GRID2IP: variants seen among roughly 807,000 people sequenced by gnomAD.
GRID2IP encodes delphilin.
In GRID2IP, 78 loss-of-function variants were observed where a neutral mutation model predicts 114.3. The observed-to-expected ratio is 0.68, with a 90% CI of 0.57 to 0.82. GRID2IP has a LOEUF of 0.82. GRID2IP is among the 40% of genes least tolerant of loss of function. GRID2IP has a pLI of 0.00. For missense variants in GRID2IP, 1,727 were observed against 1,678.5 expected, an observed-to-expected ratio of 1.03 and a Z score of -0.51; for synonymous variants, 809 against 724.0, an observed-to-expected ratio of 1.12 and a Z score of -1.89.
Position 6,503,476 on chromosome 7 carries a change from T to A in GRID2IP, c.2907+15A>T. 6.6e-6 allele frequency: 10 copies of A among 1,505,722 alleles called. No homozygotes were observed. Among genetic ancestry groups the A allele is most frequent in the Non-Finnish European group, 7.9e-6 (9 of 1,134,534 alleles). The allele number at this position is 1,505,722 out of a possible 1,614,324, so 93.3% of individuals were successfully genotyped here. A position where few individuals can be genotyped will look rare whatever the true frequency, so the allele number is the denominator to read the frequency against. ...AGCCGGCCGAGGCCTCGGGGCGGGG[T>A]TGTGGTCGCGGCACCTGCAGGACGA... On this transcript the variant is annotated intron_variant, in intron 16 of 21. Transcript: ENST00000457091.
At chr7:6,531,264 T>G (rs1779618165) in intron 2 of GRID2IP, 3 of 408,992 alleles carry the variant, frequency 7.3e-6, no homozygotes, top group Admixed American at 8.9e-5. Context: ...CCCCTTTTGG[T>G]GGCCCCGCCC....
At position 6,531,459 on chromosome 7, in the gene GRID2IP, TC is replaced by T. The variant is rs201415988; in HGVS notation, c.585-4691del. Among the ~76,000 whole-genome samples, 76 of 152,184 alleles carry T rather than the reference TC, an allele frequency of 5.0e-4. No homozygotes were observed. The East Asian group carries it at 0.014, about 27-fold the overall frequency. ...CCCCGGACCCCCACACAGTGGCGAG[TC>T]CCCGCAGTTCAGAGGAAGCCCCGAC... On this transcript the variant is annotated intron_variant, in intron 2 of 21. Coordinates refer to ENST00000457091, the MANE Select transcript of GRID2IP (RefSeq NM_001145118.2).
rs1779357057 is a variant in GRID2IP, at chr7:6,518,684, C to T, written c.1268+1894G>A. Among the ~76,000 whole-genome samples the T allele has an allele frequency of 2.6e-5, 4 of 151,706 alleles. No individual in the cohort carries two copies. In the South Asian group the frequency reaches 8.3e-4, roughly 32 times the overall value. On this transcript the variant is annotated intron_variant, in intron 7 of 21. Coordinates refer to ENST00000457091, the MANE Select transcript of GRID2IP (RefSeq NM_001145118.2). ...CCAGGAGGGGGAGGTTGCAGTGAGC[C>T]GAGAGCACGCCACTGTACTCCAGCC...
intron 15 of GRID2IP, 64 bp from the exon 16 acceptor site, chr7:6,503,751 G>T: frequency 5.5e-6 from 7 of 1,265,846 alleles, no homozygotes; most frequent in Non-Finnish European, 6.3e-6. Context: ...GACCCAAGAC[G>T]GAGAGGGCAG....
chr7:6,522,395 C>T (rs1406350672), intron 4 of GRID2IP, among the ~76,000 whole-genome samples: 1 of 152,138 alleles, frequency 6.6e-6, no homozygotes, highest in Non-Finnish European at 1.5e-5. Context: ...CAGGCAGCAT[C>T]AGTACTTCTT....
In GRID2IP at chr7:6,526,026, TC is replaced by T. The variant is rs1779504233; in HGVS notation, c.919+197del. ...AGGCAGAAGGCTCTGGCCTCAAGCA[TC>T]TTAGGTAGGAATGGGATTCAGATCT... On this transcript the variant is annotated intron_variant, in intron 4 of 21. Coordinates refer to ENST00000457091, the MANE Select transcript of GRID2IP (RefSeq NM_001145118.2). This position sits in a 1 kb window ranked among gnomAD's most constrained non-coding sequence, Gnocchi z 7.6. 6.6e-6 allele frequency among the ~76,000 whole-genome samples: 1 copy of T among 152,078 alleles called. No individual in the cohort carries two copies. Among genetic ancestry groups the T allele is most frequent in the Non-Finnish European group, 1.5e-5 (1 of 68,006 alleles).
rs907700952 is a variant in GRID2IP at position 6,508,061 on chromosome 7, C to A, written c.2468G>T (p.Ser823Ile). ...MLSRGLGHRR[S>I]ETSHMSVKRL... ...CTTGACGCTCATGTGGCTGGTCTCA[C>A]TGCGCCGGTGGCCCAGGCCCCGGGA... Residue 823 changes from serine to isoleucine, a missense_variant, in exon 13 of 22, where the codon AGT becomes ATT. By Grantham distance (142) the Ser-to-Ile change is moderately radical. Coordinates refer to ENST00000457091, the MANE Select transcript of GRID2IP (RefSeq NM_001145118.2). The surrounding 1 kb of genome is among the most constrained non-coding windows in gnomAD (Gnocchi z 5.6). The A allele has an allele frequency of 6.0e-6, 9 of 1,511,702 alleles. No homozygotes were observed. Among genetic ancestry groups the A allele is most frequent in the African/African-American group, 1.4e-5 (1 of 71,052 alleles). 93.6% of individuals were successfully genotyped at this position (1,511,702 alleles called of 1,614,324 possible). A position where few individuals can be genotyped will look rare whatever the true frequency, so the allele number is the denominator to read the frequency against.
chr7:6,507,926 G>A lies in GRID2IP; in HGVS notation c.2544+59C>T. 6.5e-7 allele frequency: 1 copy of A among 1,536,926 alleles called. No homozygotes were observed. The highest frequency in any genetic ancestry group is 8.8e-7 in the Non-Finnish European group (1 of 1,141,076). On this transcript the variant is annotated intron_variant, in intron 13 of 21. Transcript: ENST00000457091. This position sits in a 1 kb window ranked among gnomAD's most constrained non-coding sequence, Gnocchi z 5.3. ...CCTGGCCGATGGGTTTTCCTTCAGT[G>A]CTGCTGCCCAAGCCATCCTCCCCCA...
At position 6,532,456 on chromosome 7, in the gene GRID2IP, T is replaced by C. The variant is rs1401808867; in HGVS notation, c.585-5687A>G. On this transcript the variant is annotated intron_variant, in intron 2 of 21. Transcript: ENST00000457091. This position sits in a 1 kb window ranked among gnomAD's most constrained non-coding sequence, Gnocchi z 4.4. ...TGGTCCGATCATCGGTCTCTGGTAC[T>C]GTCCACGCACTGCTCCCCAATACAC... is the stretch of plus-strand genomic sequence containing the variant. Among the ~76,000 whole-genome samples, 4 of 152,198 alleles carry C rather than the reference T, an allele frequency of 2.6e-5. No individual in the cohort carries two copies. Among genetic ancestry groups the C allele is most frequent in the Non-Finnish European group, 4.4e-5 (3 of 68,024 alleles).
rs989221871 is a variant in GRID2IP at position 6,497,121 on chromosome 7, C to T, written c.*653G>A. Among the ~76,000 whole-genome samples the T allele has an allele frequency of 3.9e-5, 6 of 152,056 alleles. No individual in the cohort carries two copies. The highest frequency in any genetic ancestry group is 1.2e-4 in the African/African-American group (5 of 41,378). On this transcript the variant is annotated 3_prime_UTR_variant, in exon 22 of 22. Transcript: ENST00000457091. ...TGACCACACCTATTCCACTCCCAGG[C>T]TCCCCACTTCCAATTGGGCCACCTC...
rs936665700 is a variant in GRID2IP, at chr7:6,507,293, T to C, written c.2544+692A>G. ...TCTCCTCTGAGCTGGTCAAGCCCCA[T>C]TGGGGGTTCCATCTGGGAATGTCTC... On this transcript the variant is annotated intron_variant, in intron 13 of 21. Coordinates refer to ENST00000457091, the MANE Select transcript of GRID2IP (RefSeq NM_001145118.2). This position sits in a 1 kb window ranked among gnomAD's most constrained non-coding sequence, Gnocchi z 5.3. Among the ~76,000 whole-genome samples, 1 of 152,012 alleles carries C rather than the reference T, an allele frequency of 6.6e-6. No individual in the cohort carries two copies. Among genetic ancestry groups the C allele is most frequent in the African/African-American group, 2.4e-5 (1 of 41,372 alleles).
rs1779548654 is a variant in GRID2IP, at chr7:6,528,010, G to A, written c.585-1241C>T. Among the ~76,000 whole-genome samples the A allele has an allele frequency of 1.3e-5, 2 of 152,074 alleles. No homozygotes were observed. The highest frequency in any genetic ancestry group is 2.1e-4 in the South Asian group (1 of 4,814). On this transcript the variant is annotated intron_variant, in intron 2 of 21. Transcript: ENST00000457091. The surrounding 1 kb of genome is among the most constrained non-coding windows in gnomAD (Gnocchi z 6.0). ...TGACCTCAGGTGATCTGCCCGCCTC[G>A]GCCTCCCAAAGTCCTGGGATTAGAC... is the stretch of plus-strand genomic sequence containing the variant.
intron 8 of GRID2IP, among the ~76,000 whole-genome samples, chr7:6,513,522 A>T (rs1779221646): frequency 6.6e-6 from 1 of 151,986 alleles, no homozygotes; most frequent in Non-Finnish European, 1.5e-5. Context: ...GTCCAGCCTT[A>T]CACGAGTTCC....
chr7:6,546,531 T>C (rs902869116), intron 1 of GRID2IP, among the ~76,000 whole-genome samples: 3 of 148,480 alleles, frequency 2.0e-5, no homozygotes, highest in African/African-American at 7.4e-5. Context: ...ATCACGCCAT[T>C]GCACTCCAGC....
rs1458105719 is a variant in GRID2IP, at chr7:6,520,716, G to A, written c.1130C>T (p.Ser377Phe). The A allele has an allele frequency of 6.4e-7, 1 of 1,551,692 alleles. No individual in the cohort carries two copies. The highest frequency in any genetic ancestry group is 2.4e-5 in the East Asian group (1 of 40,914). Reference sequence around the variant, plus strand: ...CAGGATCTCCGCCACCCACTGCAGGGAGGTGAGCGCCGACGACGGGTTGGG... The same window carrying A: ...CAGGATCTCCGCCACCCACTGCAGGAAGGTGAGCGCCGACGACGGGTTGGG... ...DSPNPSSALT[S>F]LQWVAEILPS... The change falls in exon 7 of 22, where the codon TCC becomes TTC. Residue 377 changes from serine (S) to phenylalanine (F), a missense_variant. By Grantham distance (155) the Ser-to-Phe change is radical. Transcript: ENST00000457091. This position sits in a 1 kb window ranked among gnomAD's most constrained non-coding sequence, Gnocchi z 4.6.
In GRID2IP at chr7:6,520,470, C is replaced by T. The variant is rs1410351170; in HGVS notation, c.1268+108G>A. On this transcript the variant is annotated intron_variant, in intron 7 of 21. Coordinates refer to ENST00000457091, the MANE Select transcript of GRID2IP (RefSeq NM_001145118.2). The surrounding 1 kb of genome is among the most constrained non-coding windows in gnomAD (Gnocchi z 4.6). ...AGCAGCCACCTTCCTGAGCATCCCC[C>T]AGGAGAACGGGACTGAGGAGGTTCA... 2.4e-5 allele frequency: 30 copies of T among 1,254,370 alleles called. No individual in the cohort carries two copies. The highest frequency in any genetic ancestry group is 3.3e-5 in the Non-Finnish European group (30 of 922,980). 77.7% of individuals were successfully genotyped at this position (1,254,370 alleles called of 1,614,324 possible).
At chr7:6,513,414 C>A (rs993802638) in intron 8 of GRID2IP, among the ~76,000 whole-genome samples, 2 of 149,914 alleles carry the variant, frequency 1.3e-5, no homozygotes, top group South Asian at 2.1e-4. Context: ...GAGACAGGCT[C>A]TTGCTATGTT....
chr7:6,505,993 T>G (rs190597413), intron 13 of GRID2IP, 86 bp from the exon 14 acceptor site: 65 of 855,332 alleles, frequency 7.6e-5, no homozygotes, highest in Non-Finnish European at 1.2e-4. Flanking sequence ...AGGGCTGCCA[T>G]AGGGGCTTCC....
rs181764822 is a variant in GRID2IP at position 6,520,861 on chromosome 7, G to A, written c.1085-100C>T. The A allele has an allele frequency of 2.5e-5, 29 of 1,164,174 alleles. No homozygotes were observed. Among genetic ancestry groups the A allele is most frequent in the Non-Finnish European group, 3.4e-5 (28 of 829,172 alleles). The allele number at this position is 1,164,174 out of a possible 1,614,324, so 72.1% of individuals were successfully genotyped here. A position where few individuals can be genotyped will look rare whatever the true frequency, so the allele number is the denominator to read the frequency against. On this transcript the variant is annotated intron_variant, in intron 6 of 21. Coordinates refer to ENST00000457091, the MANE Select transcript of GRID2IP (RefSeq NM_001145118.2). This position sits in a 1 kb window ranked among gnomAD's most constrained non-coding sequence, Gnocchi z 4.6. Reference sequence around the variant, plus strand: ...AGGTCAGGAGACCTCCTGAGCTGGGGTGTGGCTGTCCAGTGCCATGCATGG... The same window carrying A: ...AGGTCAGGAGACCTCCTGAGCTGGGATGTGGCTGTCCAGTGCCATGCATGG...
Sources: allele counts gnomAD v4.1 joint callset (sites outside exome capture counted in the v4.1 genomes callset), GRCh38; gene constraint gnomAD v4.1.1; non-coding constraint Gnocchi (gnomAD v3.1); transcripts MANE v1.5; gene names NCBI Gene and HGNC (gene_info 2026-07-23, HGNC 2026-07-21).